Variants in FOXJ3 observed in about 807,000 individuals in gnomAD.
The protein encoded by FOXJ3 is forkhead box J3.
A neutral mutation model predicts 76.1 loss-of-function variants in FOXJ3; 22 were observed. The ratio of observed to expected loss-of-function variants is 0.29; its 90% confidence interval spans 0.21 to 0.41. The LOEUF (loss-of-function observed/expected upper bound fraction) is 0.41. Among genes scored for constraint, FOXJ3 ranks in the 10% least tolerant of loss-of-function variants. FOXJ3 has a pLI of 1.00. For missense variants in FOXJ3, 613 were observed against 762.1 expected (o/e 0.80, Z 2.30); for synonymous variants, 269 against 261.2 (o/e 1.03, Z -0.29).
chr1:42,217,981 C>A (rs11806205), intron 5 of FOXJ3, among the ~76,000 whole-genome samples: 2 of 152,126 alleles, frequency 1.3e-5, no homozygotes, highest in Non-Finnish European at 2.9e-5. Flanking sequence ...CCATTTTTAA[C>A]CCCCAGGAAA....
At chr1:42,306,880 A>G (rs930153572) in intron 2 of FOXJ3, among the ~76,000 whole-genome samples, 1 of 152,142 alleles carries the variant, frequency 6.6e-6, no homozygotes, top group Non-Finnish European at 1.5e-5. Context: ...CTTGTACCCT[A>G]TTTCTCAGCA....
chr1:42,191,749 A>G (rs1250384226), intron 8 of FOXJ3, 30 bp from the exon 9 acceptor site: 1 of 1,591,506 alleles, frequency 6.3e-7, no homozygotes, highest in South Asian at 1.1e-5. Context: ...ATTTATGGTC[A>G]GATTTCAGTT....
intron 1 of FOXJ3, among the ~76,000 whole-genome samples, chr1:42,329,852 A>G (rs946184044): frequency 6.6e-6 from 1 of 152,232 alleles, no homozygotes; most frequent in Admixed American, 6.5e-5. Flanking sequence ...TTCATATTCT[A>G]TCATGCCCTT....
At chr1:42,306,304 T>TTTTTC (rs1654465998) in intron 2 of FOXJ3, among the ~76,000 whole-genome samples, 1 of 138,570 alleles carries the variant, frequency 7.2e-6, no homozygotes, top group South Asian at 2.4e-4. Context: ...TTTTCTTTTT[T>TTTTTC]TTTTTTTTTT....
chr1:42,217,176 T>C (rs1647087132), intron 5 of FOXJ3, among the ~76,000 whole-genome samples: 2 of 152,148 alleles, frequency 1.3e-5, no homozygotes, highest in Non-Finnish European at 2.9e-5. Context: ...AAAGTTAATA[T>C]ACAAAAATTA....
intron 4 of FOXJ3, among the ~76,000 whole-genome samples, chr1:42,245,438 CA>C (rs1300006652): frequency 6.6e-6 from 1 of 152,042 alleles, no homozygotes; most frequent in Non-Finnish European, 1.5e-5. Flanking sequence ...ATTAGCAAAC[CA>C]AATCTGACTG....
At chr1:42,280,963 T>C (rs374692059) in intron 2 of FOXJ3, among the ~76,000 whole-genome samples, 2 of 152,262 alleles carry the variant, frequency 1.3e-5, no homozygotes, top group South Asian at 2.1e-4. Flanking sequence ...GAGCTTTATT[T>C]TGTTCAAATT....
intron 4 of FOXJ3, among the ~76,000 whole-genome samples, chr1:42,252,170 A>G (rs997340508): frequency 7.2e-5 from 11 of 151,908 alleles, no homozygotes; most frequent in African/African-American, 2.2e-4. Context: ...CTCTTTTCCT[A>G]TTGATTGGAA....
At chr1:42,181,449 C>T (rs745688211) in intron 12 of FOXJ3, among the ~76,000 whole-genome samples, 2 of 152,198 alleles carry the variant, frequency 1.3e-5, no homozygotes, top group Non-Finnish European at 1.5e-5. Context: ...GCAGAATCTA[C>T]AGGAGCTAAT....
chr1:42,222,841 T>C (rs560257110), intron 5 of FOXJ3, among the ~76,000 whole-genome samples: 16 of 152,198 alleles, frequency 1.1e-4, no homozygotes, highest in Non-Finnish European at 2.2e-4. Flanking sequence ...TACCTTTTAA[T>C]GATAGACACT....
chr1:42,335,279 T>TGCGGCGTC (rs1195387315), upstream of FOXJ3: 1 of 152,010 alleles, frequency 6.6e-6, no homozygotes, highest in East Asian at 2.0e-4. Flanking sequence ...CACCGCCTCC[T>TGCGGCGTC]GCGGCGTCGC....
intron 2 of FOXJ3, among the ~76,000 whole-genome samples, chr1:42,279,174 G>C (rs3768266): frequency 0.45 from 67,919 of 152,058 alleles, 17,448 homozygotes; most frequent in Non-Finnish European, 0.56. Flanking sequence ...ACTGGCATAG[G>C]AATCTGCATG....
chr1:42,255,969 C>A (rs61775123), intron 4 of FOXJ3, among the ~76,000 whole-genome samples: 4 of 152,212 alleles, frequency 2.6e-5, no homozygotes, highest in Admixed American at 1.3e-4. Context: ...CCGCAGTGAG[C>A]CGAGATCGCA....
intron 2 of FOXJ3, among the ~76,000 whole-genome samples, chr1:42,279,276 T>C (rs1460285618): frequency 6.6e-6 from 1 of 150,550 alleles, no homozygotes; most frequent in Non-Finnish European, 1.5e-5. Context: ...GCTGGGGGAG[T>C]TGACCGAAAA....
chr1:42,239,056 C>T (rs1190007633), intron 4 of FOXJ3, among the ~76,000 whole-genome samples: 1 of 152,098 alleles, frequency 6.6e-6, no homozygotes, highest in Non-Finnish European at 1.5e-5. Flanking sequence ...CATTATTTTG[C>T]TTTTGTTAAC....
chr1:42,211,762 C>T (rs1179023551), intron 5 of FOXJ3, among the ~76,000 whole-genome samples: 2 of 152,176 alleles, frequency 1.3e-5, no homozygotes. Context: ...CAACCAGCAT[C>T]TGAGAAAGCC....
intron 3 of FOXJ3, among the ~76,000 whole-genome samples, chr1:42,268,424 AG>A (rs1388419023): frequency 2.0e-5 from 3 of 152,162 alleles, no homozygotes; most frequent in African/African-American, 7.2e-5. Flanking sequence ...CACTGTTATA[AG>A]GAAGTTCTTT....
chr1:42,333,016 C>T (rs991172090), intron 1 of FOXJ3, among the ~76,000 whole-genome samples: 1 of 152,040 alleles, frequency 6.6e-6, no homozygotes, highest in Non-Finnish European at 1.5e-5. Context: ...GTATCTTATT[C>T]GTCTCTTCAT....
chr1:42,262,900 T>C (rs1424415854), intron 4 of FOXJ3, among the ~76,000 whole-genome samples: 2 of 152,030 alleles, frequency 1.3e-5, no homozygotes, highest in African/African-American at 4.8e-5. Flanking sequence ...ACTTTGAGAC[T>C]GAAAAGAAAA....
Sources: allele counts gnomAD v4.1 joint callset (sites outside exome capture counted in the v4.1 genomes callset), GRCh38; gene constraint gnomAD v4.1.1; transcripts MANE v1.5; gene names NCBI Gene and HGNC (gene_info 2026-07-23, HGNC 2026-07-21).